The following DPEP2 variants were observed in gnomAD, a reference collection of about 807,000 sequenced individuals.
DPEP2 encodes dipeptidase 2.
In DPEP2, 45 loss-of-function variants were observed where a neutral mutation model predicts 51.8. The ratio of observed to expected loss-of-function variants is 0.87; its 90% confidence interval spans 0.68 to 1.11. DPEP2 has a LOEUF of 1.11. Ranked by LOEUF, DPEP2 falls within the 50% of genes most tolerant of loss-of-function variation. The pLI is 0.00. For synonymous variants in DPEP2, 255 were observed against 262.7 expected, an observed-to-expected ratio of 0.97 and a Z score of 0.28; for missense variants, 604 against 631.9, an observed-to-expected ratio of 0.96 and a Z score of 0.47.
chr16:67,998,023 C>T (rs757961070), intron 1 of DPEP2, among the ~76,000 whole-genome samples: 47 of 152,200 alleles, frequency 3.1e-4, no homozygotes, highest in Non-Finnish European at 5.3e-4. Context: ...CTGATATTGG[C>T]AGCTCCTAAT....
chr16:67,998,868 T>C (rs527776650), intron 1 of DPEP2, among the ~76,000 whole-genome samples: 10 of 152,312 alleles, frequency 6.6e-5, no homozygotes, highest in Middle Eastern at 3.4e-3. Flanking sequence ...AGAACCTTTG[T>C]GTCGACACTC....
In DPEP2 at chr16:67,991,969, G is replaced by T; in HGVS notation, c.531C>A (p.Asp177Glu). ...ELVTSAKALN[D>E]TQKLACLIGV... is the part of the protein sequence containing the mutation. ...CGATGAGGCAGGCCAATTTCTGAGTGTCGTTCAGAGCTGGGGGCAGGTAGG... is the reference window on the plus strand; with the variant it reads ...CGATGAGGCAGGCCAATTTCTGAGTTTCGTTCAGAGCTGGGGGCAGGTAGG... Residue 177 changes from aspartate (D) to glutamate (E), a missense_variant, in exon 5 of 11, where the codon GAC becomes GAA. Transcript: ENST00000393847. This position sits in a 1 kb window ranked among gnomAD's most constrained non-coding sequence, Gnocchi z 5.1. 1 of 1,614,220 alleles carries T rather than the reference G, an allele frequency of 6.2e-7. No individual in the cohort carries two copies. The highest frequency in any genetic ancestry group is 8.5e-7 in the Non-Finnish European group (1 of 1,180,038).
intron 1 of DPEP2, among the ~76,000 whole-genome samples, chr16:67,997,193 C>T (rs1248766639): frequency 9.9e-5 from 15 of 151,004 alleles, no homozygotes; most frequent in Admixed American, 6.0e-4. Context: ...CCACCACTCC[C>T]GGCTAATTTT....
chr16:67,989,747 C>T (rs2031888200), intron 8 of DPEP2, among the ~76,000 whole-genome samples: 1 of 152,208 alleles, frequency 6.6e-6, no homozygotes, highest in Admixed American at 6.5e-5. Flanking sequence ...CTGACAAAGA[C>T]CCCAGAGACC....
Position 67,991,587 on chromosome 16 carries a change from AG to A in DPEP2, c.662+250del. On this transcript the variant is annotated intron_variant, in intron 5 of 10. Coordinates refer to ENST00000393847, the MANE Select transcript of DPEP2 (RefSeq NM_022355.4). This position sits in a 1 kb window ranked among gnomAD's most constrained non-coding sequence, Gnocchi z 5.1. ...AAGATAGGGTTTCACCATCTTGGCC[AG>A]GCTGGTCTCGAACTCCTGGCCTTAA... 1 of 558,206 alleles carries A rather than the reference AG, an allele frequency of 1.8e-6. No homozygotes were observed. The highest frequency in any genetic ancestry group is 3.1e-6 in the Non-Finnish European group (1 of 320,882). The allele number at this position is 558,206 out of a possible 1,614,324, so 34.6% of individuals were successfully genotyped here.
Position 67,991,315 on chromosome 16 carries a change from G to C in DPEP2, c.663-131C>G. 1 of 824,406 alleles carries C rather than the reference G, an allele frequency of 1.2e-6. No homozygotes were observed. The highest frequency in any genetic ancestry group is 1.9e-6 in the Non-Finnish European group (1 of 524,352). The allele number at this position is 824,406 out of a possible 1,614,324, so 51.1% of individuals were successfully genotyped here. ...GGGATCCAAAATGGGCCCTGCAAAT[G>C]GGCCATGCCTGGCAGCAGGAGGGCC... On this transcript the variant is annotated intron_variant, in intron 5 of 10. Coordinates refer to ENST00000393847, the MANE Select transcript of DPEP2 (RefSeq NM_022355.4). This position sits in a 1 kb window ranked among gnomAD's most constrained non-coding sequence, Gnocchi z 5.1.
chr16:67,991,083 GT>G lies in DPEP2; in HGVS notation c.732+31del. The G allele has an allele frequency of 6.2e-7, 1 of 1,614,230 alleles. No homozygotes were observed. The highest frequency in any genetic ancestry group is 8.5e-7 in the Non-Finnish European group (1 of 1,180,020). Reference sequence around the variant, plus strand: ...AGAAACAGCTGGGGTGTGCACATTTGTTTGGGGTGGAGTGTGAACCAGGGTC... The same window carrying G: ...AGAAACAGCTGGGGTGTGCACATTTGTTGGGGTGGAGTGTGAACCAGGGTC... On this transcript the variant is annotated intron_variant, in intron 6 of 10. Transcript: ENST00000393847. This position sits in a 1 kb window ranked among gnomAD's most constrained non-coding sequence, Gnocchi z 5.1.
chr16:67,993,155 G>A lies in DPEP2; in HGVS notation c.58C>T (p.Leu20=), dbSNP rs1361483470. 1 of 1,528,492 alleles carries A rather than the reference G, an allele frequency of 6.5e-7. No individual in the cohort carries two copies. Among genetic ancestry groups the A allele is most frequent in the Non-Finnish European group, 8.8e-7 (1 of 1,134,588 alleles). 94.7% of individuals were successfully genotyped at this position (1,528,492 alleles called of 1,614,324 possible). The change falls in exon 2 of 11, where the codon CTG becomes TTG. Residue 20 remains leucine, a synonymous_variant. Coordinates refer to ENST00000393847, the MANE Select transcript of DPEP2 (RefSeq NM_022355.4). ...TGGAGCAGCAGCAGCAGGAGCAGCA[G>A]ACTCAGCAGAGGCCACCGACCAAAC... is the stretch of plus-strand genomic sequence containing the variant. ...GTFGRWPLLS[L]LLLLLLLQPV... is the part of the protein sequence containing the mutation.
chr16:67,994,703 C>T, intron 1 of DPEP2: 1 of 979,666 alleles, frequency 1.0e-6, no homozygotes, highest in Non-Finnish European at 1.2e-6. Context: ...AGAAGGCCTC[C>T]TAAAAAGAAA....
At position 67,991,171 on chromosome 16, in the gene DPEP2, C is replaced by CAA. The variant is rs780034740; in HGVS notation, c.675_676insTT (p.Ala226LeufsTer15). On this transcript the variant is annotated frameshift_variant, in exon 6 of 11. Coordinates refer to ENST00000393847, the MANE Select transcript of DPEP2 (RefSeq NM_022355.4). LOFTEE classifies it high-confidence loss of function. The surrounding 1 kb of genome is among the most constrained non-coding windows in gnomAD (Gnocchi z 5.1). ...TTGTAGAAGGAGTGGACGCCCTTAG[C>CAA]GGAGCTCTCTGCCCTGCAGGGTGGC... 9 of 1,613,250 alleles carry CAA rather than the reference C, an allele frequency of 5.6e-6. No individual in the cohort carries two copies. Among genetic ancestry groups the CAA allele is most frequent in the Non-Finnish European group, 7.6e-6 (9 of 1,180,032 alleles).
chr16:67,997,197 T>A (rs889164022), intron 1 of DPEP2, among the ~76,000 whole-genome samples: 1 of 150,988 alleles, frequency 6.6e-6, no homozygotes, highest in African/African-American at 2.4e-5. Context: ...CACTCCCGGC[T>A]AATTTTTGTA....
At chr16:67,995,253 C>T (rs1407589992) in intron 1 of DPEP2, among the ~76,000 whole-genome samples, 1 of 151,910 alleles carries the variant, frequency 6.6e-6, no homozygotes, top group African/African-American at 2.4e-5. Context: ...TGCCTTCTTG[C>T]CCAGGCTGGT....
Position 67,991,764 on chromosome 16 carries a change from T to C in DPEP2, c.662+74A>G. On this transcript the variant is annotated intron_variant, in intron 5 of 10. Transcript: ENST00000393847. This position sits in a 1 kb window ranked among gnomAD's most constrained non-coding sequence, Gnocchi z 5.1. ...GCCACATCCCATGGGTAAAGCTTGT[T>C]CTGGGCCCACAGTGACCTCAGGCAG... 6.4e-7 allele frequency: 1 copy of C among 1,573,220 alleles called. No homozygotes were observed. Among genetic ancestry groups the C allele is most frequent in the Admixed American group, 1.7e-5 (1 of 57,600 alleles).
At position 67,987,536 on chromosome 16, in the gene DPEP2, G is replaced by C; in HGVS notation, c.1431C>G (p.Ala477=). The change falls in exon 11 of 11, where the codon GCC becomes GCG. Residue 477 remains alanine, a synonymous_variant. Transcript: ENST00000393847. The part of the protein sequence containing the change: ...PHMAPVLAVV[A]TFPVLILWL ...GCCACAGAATAAGGACTGGGAAGGT[G>C]GCCACAACTGCAAGGACTGGGGCCA... The C allele has an allele frequency of 6.2e-7, 1 of 1,614,032 alleles. No homozygotes were observed. Among genetic ancestry groups the C allele is most frequent in the Non-Finnish European group, 8.5e-7 (1 of 1,179,902 alleles).
rs754276928 is a variant in DPEP2, at chr16:67,990,178, T to C, written c.910-47A>G. ...CACTTAGCCTGGCCCCTCAGCAAACTGCATTCCTGCCCTGCCACCCTCTGG... is the reference window on the plus strand; with the variant it reads ...CACTTAGCCTGGCCCCTCAGCAAACCGCATTCCTGCCCTGCCACCCTCTGG... On this transcript the variant is annotated intron_variant, in intron 7 of 10. Coordinates refer to ENST00000393847, the MANE Select transcript of DPEP2 (RefSeq NM_022355.4). The C allele has an allele frequency of 4.9e-5, 77 of 1,584,202 alleles. No individual in the cohort carries two copies. The Admixed American group carries it at 1.3e-3, about 26-fold the overall frequency.
In DPEP2 at chr16:67,989,375, C is replaced by T. The variant is rs375949900; in HGVS notation, c.1018G>A (p.Val340Ile). Residue 340 changes from valine (V) to isoleucine (I), a missense_variant, in exon 9 of 11, where the codon GTC (valine) becomes ATC (isoleucine). By Grantham distance (29) the Val-to-Ile change is conservative. Coordinates refer to ENST00000393847, the MANE Select transcript of DPEP2 (RefSeq NM_022355.4). ...ATCCCGATGAACTTGGATCCAATGA[C>T]AGCCTTGATGTGGTCGAAGTGATCT... ...VADHFDHIKA[V>I]IGSKFIGIGG... is the part of the protein sequence containing the mutation. 3.1e-6 allele frequency: 5 copies of T among 1,614,204 alleles called. No homozygotes were observed. The South Asian group carries it at 4.4e-5, about 14-fold the overall frequency.
intron 1 of DPEP2, among the ~76,000 whole-genome samples, chr16:67,996,968 C>A (rs1281216793): frequency 6.6e-6 from 1 of 150,970 alleles, no homozygotes; most frequent in Non-Finnish European, 1.5e-5. Context: ...GGTGACAGGG[C>A]AAGACCCTGT....
rs1328599434 is a variant in DPEP2 at position 67,990,902 on chromosome 16, T to C, written c.828A>G (p.Ala276=). 6.2e-7 allele frequency: 1 copy of C among 1,614,156 alleles called. No individual in the cohort carries two copies. The highest frequency in any genetic ancestry group is 1.7e-5 in the Admixed American group (1 of 60,012). Residue 276 remains alanine, a synonymous_variant, in exon 7 of 11, where the codon GCA becomes GCG. Transcript: ENST00000393847. ...CAGCCGAGTGGGAGAAGATCACAGG[T>C]GCCTGTGACACTTCCAGGGCCCGCC... is the stretch of plus-strand genomic sequence containing the variant. ...VARRALEVSQ[A]PVIFSHSAAR...
chr16:67,991,915 A>G lies in DPEP2; in HGVS notation c.585T>C (p.Asn195=), dbSNP rs779849075. ...IGVEGGHSLD[N]SLSILRTFYM... ...AGAAGGTACGTAAGATGGAGAGGCT[A>G]TTGTCCAGCGAGTGGCCACCCTCTA... Residue 195 remains asparagine, a synonymous_variant, in exon 5 of 11, where the codon AAT becomes AAC. Transcript: ENST00000393847. The surrounding 1 kb of genome is among the most constrained non-coding windows in gnomAD (Gnocchi z 5.1). 81 of 1,614,036 alleles carry G rather than the reference A, an allele frequency of 5.0e-5. No individual in the cohort carries two copies. In the Admixed American group the frequency reaches 8.5e-4, roughly 17 times the overall value.
Sources: allele counts gnomAD v4.1 joint callset (sites outside exome capture counted in the v4.1 genomes callset), GRCh38; gene constraint gnomAD v4.1.1; non-coding constraint Gnocchi (gnomAD v3.1); transcripts MANE v1.5; gene names NCBI Gene and HGNC (gene_info 2026-07-23, HGNC 2026-07-21).